The following PDLIM3 variants were observed in gnomAD, a reference collection of about 807,000 sequenced individuals.
PDLIM3 encodes PDZ and LIM domain 3.
In PDLIM3, 36 loss-of-function variants were observed where a neutral mutation model predicts 37.3. The observed-to-expected ratio is 0.97, with a 90% CI of 0.74 to 1.28. The LOEUF is 1.28. Ranked by LOEUF, PDLIM3 falls within the 50% of genes most tolerant of loss-of-function variation. The pLI, the probability that PDLIM3 is intolerant of heterozygous loss-of-function variation, is 0.00. For synonymous variants in PDLIM3, 174 were observed against 182.4 expected, an observed-to-expected ratio of 0.95 and a Z score of 0.37; for missense variants, 454 against 485.0, an observed-to-expected ratio of 0.94 and a Z score of 0.60.
chr4:185,523,327 A>G, intron 3 of PDLIM3, 35 bp downstream of exon 3: 1 of 1,429,144 alleles, frequency 7.0e-7, no homozygotes, highest in Non-Finnish European at 9.9e-7. Context: ...TTTAAAAGGA[A>G]ATACAATGTG....
chr4:185,528,836 C>T (rs1277599170), intron 1 of PDLIM3, among the ~76,000 whole-genome samples: 1 of 152,142 alleles, frequency 6.6e-6, no homozygotes, highest in Non-Finnish European at 1.5e-5. Context: ...TTCAGCGAGC[C>T]CAGTGATCAG....
intron 7 of PDLIM3, among the ~76,000 whole-genome samples, chr4:185,503,113 A>G (rs972834363): frequency 6.6e-6 from 1 of 152,098 alleles, no homozygotes; most frequent in Non-Finnish European, 1.5e-5. Context: ...AGTCCCAGCT[A>G]CTCGGGAGGC....
Position 185,525,188 on chromosome 4 carries a change from C to A in PDLIM3, c.94-17G>T. The stretch of plus-strand genomic sequence containing the variant: ...TGGTGTAATCTGGAAGAAATCATGG[C>A]ACTATTTAAAAACCAACATCCCGCA... On this transcript the variant is annotated splice_polypyrimidine_tract_variant and intron_variant, in intron 1 of 7. Coordinates refer to ENST00000284767, the MANE Select transcript of PDLIM3 (RefSeq NM_014476.6). The A allele has an allele frequency of 6.2e-7, 1 of 1,613,606 alleles. No homozygotes were observed. The highest frequency in any genetic ancestry group is 1.1e-5 in the South Asian group (1 of 91,070).
At chr4:185,502,636 T>C (rs1426356718) in intron 7 of PDLIM3, among the ~76,000 whole-genome samples, 153 bp from the exon 8 acceptor site, 1 of 152,222 alleles carries the variant, frequency 6.6e-6, no homozygotes, top group African/African-American at 2.4e-5. Context: ...CGTGAAACTG[T>C]ATGTAATTGT....
Position 185,514,418 on chromosome 4 carries a change from C to T in PDLIM3, c.331-81G>A. The T allele has an allele frequency of 1.2e-6, 2 of 1,613,140 alleles. No individual in the cohort carries two copies. Among genetic ancestry groups the T allele is most frequent in the Non-Finnish European group, 1.7e-6 (2 of 1,179,666 alleles). ...TAAGATTAAACGAACGATAGTTGTA[C>T]AGGGAGGATCATTTACCACCAACTA... is the stretch of plus-strand genomic sequence containing the variant. On this transcript the variant is annotated intron_variant, in intron 3 of 7. Transcript: ENST00000284767. This position sits in a 1 kb window ranked among gnomAD's most constrained non-coding sequence, Gnocchi z 4.0.
intron 4 of PDLIM3, among the ~76,000 whole-genome samples, chr4:185,509,731 G>A (rs950541217): frequency 2.0e-5 from 3 of 152,130 alleles, no homozygotes; most frequent in Non-Finnish European, 2.9e-5. Context: ...TGTGTTTACC[G>A]CTAAGTCAAG....
Position 185,513,479 on chromosome 4 carries a change from T to C in PDLIM3, c.398+791A>G, listed in dbSNP as rs1366153117. 8 of 955,084 alleles carry C rather than the reference T, an allele frequency of 8.4e-6. No homozygotes were observed. In the African/African-American group the frequency reaches 8.9e-5, roughly 11 times the overall value. The allele number at this position is 955,084 out of a possible 1,614,324, so 59.2% of individuals were successfully genotyped here. A position where few individuals can be genotyped will look rare whatever the true frequency, so the allele number is the denominator to read the frequency against. Reference sequence around the variant, plus strand: ...AAGAGTGATGTGCATTTTGACAAGATGGTGAGTTTAAATGTTCTGTCTAAA... The same window carrying C: ...AAGAGTGATGTGCATTTTGACAAGACGGTGAGTTTAAATGTTCTGTCTAAA... On this transcript the variant is annotated intron_variant, in intron 4 of 7. Transcript: ENST00000284767.
intron 1 of PDLIM3, 142 bp downstream of exon 1, chr4:185,535,200 C>T: frequency 1.5e-6 from 1 of 659,494 alleles, no homozygotes; most frequent in East Asian, 3.3e-5. Flanking sequence ...AGCTGGGCGC[C>T]GAAGCCCGGG....
intron 1 of PDLIM3, among the ~76,000 whole-genome samples, chr4:185,527,551 T>C (rs1198275607): frequency 2.0e-5 from 3 of 152,198 alleles, no homozygotes; most frequent in Non-Finnish European, 4.4e-5. Context: ...CTGGGGATTA[T>C]TATATCTTAG....
intron 7 of PDLIM3, among the ~76,000 whole-genome samples, chr4:185,502,956 G>A (rs768590933): frequency 5.3e-5 from 8 of 152,116 alleles, no homozygotes; most frequent in Non-Finnish European, 1.5e-5. Context: ...GACCGGGCGT[G>A]GTGGCTCACG....
chr4:185,502,539 C>T, intron 7 of PDLIM3, 56 bp from the exon 8 acceptor site: 2 of 1,509,986 alleles, frequency 1.3e-6, no homozygotes, highest in South Asian at 1.1e-5. Flanking sequence ...AAATATGAGA[C>T]AAAGGAGAGA....
At chr4:185,519,282 AATT>A (rs377756428) in intron 3 of PDLIM3, among the ~76,000 whole-genome samples, 3 of 151,938 alleles carry the variant, frequency 2.0e-5, no homozygotes, top group Non-Finnish European at 4.4e-5. Context: ...AGCATGGAAA[AATT>A]ATTATTATTA....
Position 185,506,648 on chromosome 4 carries a change from G to A in PDLIM3, c.667C>T (p.Pro223Ser). ...ALGETPLMSE[P>S]TASVPPESDV... ...GACTCGGGGGGCACCGAGGCTGTGG[G>A]CTCGCTGAAACACAGGCACGGCGGG... The change falls in exon 6 of 8, where the codon CCC becomes TCC. Residue 223 changes from proline to serine, a missense_variant. Transcript: ENST00000284767. The A allele has an allele frequency of 6.2e-7, 1 of 1,604,450 alleles. No individual in the cohort carries two copies. Among genetic ancestry groups the A allele is most frequent in the Non-Finnish European group, 8.5e-7 (1 of 1,179,890 alleles).
chr4:185,513,133 C>T (rs2095709242), intron 4 of PDLIM3: 1 of 983,414 alleles, frequency 1.0e-6, no homozygotes, highest in Non-Finnish European at 1.2e-6. Flanking sequence ...AATGTTGAGC[C>T]AGTCAGACCA....
Position 185,528,178 on chromosome 4 carries a change from G to A in PDLIM3, c.94-3007C>T, listed in dbSNP as rs72715920. Among the ~76,000 whole-genome samples the A allele has an allele frequency of 4.0e-3, 602 of 152,320 alleles. 7 individuals are homozygous for A. The highest frequency in any genetic ancestry group is 0.027 in the Middle Eastern group (8 of 294). ...ATATACCTTAATAGAGTTAAGTTAT[G>A]TAATACTCAATTCTGATTTGGAAAA... On this transcript the variant is annotated intron_variant, in intron 1 of 7. Transcript: ENST00000284767.
At chr4:185,524,022 G>A (rs1419685125) in intron 2 of PDLIM3, among the ~76,000 whole-genome samples, 1 of 151,580 alleles carries the variant, frequency 6.6e-6, no homozygotes, top group Non-Finnish European at 1.5e-5. Flanking sequence ...AAGGCATGTG[G>A]GAAACAGGAG....
Position 185,502,445 on chromosome 4 carries a change from G to T in PDLIM3, c.944C>A (p.Pro315His), listed in dbSNP as rs750492492. ...VVKARDKYRH[P>H]ECFVCADCNL... ...GCAGTCGGCACACACGAAGCACTCA[G>T]GGTGCCGGTACTTATCCCGCGCCTT... The change falls in exon 8 of 8, where the codon CCT becomes CAT. Residue 315 changes from proline to histidine, a missense_variant. By Grantham distance (77) the Pro-to-His change is moderately conservative. Coordinates refer to ENST00000284767, the MANE Select transcript of PDLIM3 (RefSeq NM_014476.6). 6 of 1,614,216 alleles carry T rather than the reference G, an allele frequency of 3.7e-6. No homozygotes were observed. The South Asian group carries it at 4.4e-5, about 12-fold the overall frequency.
rs200345748 is a variant in PDLIM3, at chr4:185,535,310, C to T, written c.93+32G>A. ...CCCCGGACGCCGCCGGAGTCCCCAC[C>T]TCGCAGCAAAAGCAAGAATGCCGAC... On this transcript the variant is annotated intron_variant, in intron 1 of 7. Coordinates refer to ENST00000284767, the MANE Select transcript of PDLIM3 (RefSeq NM_014476.6). The T allele has an allele frequency of 7.6e-6, 12 of 1,575,542 alleles. No individual in the cohort carries two copies. In the Admixed American group the frequency reaches 1.9e-4, roughly 25 times the overall value.
chr4:185,512,779 C>A (rs1198316904), intron 4 of PDLIM3: 1 of 977,640 alleles, frequency 1.0e-6, no homozygotes, highest in African/African-American at 1.8e-5. Context: ...TGTATATATT[C>A]AACAGTAAAA....
Sources: gnomAD v4.1 joint callset for allele counts (sites outside exome capture counted in the v4.1 genomes callset) on GRCh38, gnomAD v4.1.1 for gene constraint, Gnocchi (gnomAD v3.1) non-coding constraint, MANE v1.5 for transcripts, NCBI Gene and HGNC (gene_info 2026-07-23, HGNC 2026-07-21) for gene names.